CHODL: variants seen among roughly 807,000 people sequenced by gnomAD.
The protein encoded by CHODL is chondrolectin, also known as transmembrane protein MT75.
A neutral mutation model predicts 34.5 loss-of-function variants in CHODL; 29 were observed. The ratio of observed to expected loss-of-function variants is 0.84; its 90% confidence interval spans 0.63 to 1.15. The LOEUF is 1.15. CHODL is among the 50% of genes most tolerant of loss of function. The pLI is 0.00. For synonymous variants in CHODL, 125 were observed against 116.1 expected (o/e 1.08, Z -0.49); for missense variants, 332 against 332.5 (o/e 1.00, Z 0.01).
intron 2 of CHODL, among the ~76,000 whole-genome samples, chr21:18,070,024 C>CTTCCCTTCCCT (rs764793221): frequency 5.7e-5 from 4 of 69,740 alleles, no homozygotes; most frequent in Non-Finnish European, 1.4e-4. Context: ...CTTCCCTTCC[C>CTTCCCTTCCCT]TCCCCCCCCC....
At chr21:18,248,679 TGTATATATTATATAC>T in intron 1 of CHODL, among the ~76,000 whole-genome samples, 1 of 123,898 alleles carries the variant, frequency 8.1e-6, no homozygotes, top group African/African-American at 3.3e-5. Flanking sequence ...AATACATATA[TGTATATATTATATAC>T]ATATATATGT....
intron 2 of CHODL, among the ~76,000 whole-genome samples, chr21:18,077,930 A>T (rs976302720): frequency 2.6e-4 from 39 of 152,290 alleles, no homozygotes; most frequent in African/African-American, 8.7e-4. Flanking sequence ...ACTCTGCCAT[A>T]TGTTATGTAC....
intron 2 of CHODL, among the ~76,000 whole-genome samples, chr21:18,102,132 T>C (rs2065222749): frequency 6.6e-6 from 1 of 152,152 alleles, no homozygotes; most frequent in Non-Finnish European, 1.5e-5. Context: ...GCTGCCCACA[T>C]CATCCTATTC....
At chr21:18,104,412 C>T (rs1046798884) in intron 2 of CHODL, among the ~76,000 whole-genome samples, 22 of 152,136 alleles carry the variant, frequency 1.4e-4, no homozygotes, top group Non-Finnish European at 1.8e-4. Context: ...CTTCGCCTTC[C>T]GCCATGATTC....
intron 2 of CHODL, among the ~76,000 whole-genome samples, chr21:18,034,167 A>T (rs2064281643): frequency 6.6e-6 from 1 of 151,996 alleles, no homozygotes; most frequent in Admixed American, 6.6e-5. Flanking sequence ...ATCATCTTAT[A>T]AGATGATTTC....
intron 2 of CHODL, among the ~76,000 whole-genome samples, chr21:18,091,003 G>C (rs1229007330): frequency 1.3e-5 from 2 of 152,224 alleles, no homozygotes; most frequent in Non-Finnish European, 2.9e-5. Flanking sequence ...TCCTGGCAGT[G>C]ACCGTCTGGC....
intron 1 of CHODL, among the ~76,000 whole-genome samples, chr21:17,978,791 G>A (rs197580): frequency 0.64 from 96,602 of 151,500 alleles, 31,331 homozygotes; most frequent in African/African-American, 0.76. Flanking sequence ...TCTTAATGGG[G>A]GGCTCTGGGA....
At chr21:18,098,418 CA>C (rs1197731388) in intron 2 of CHODL, among the ~76,000 whole-genome samples, 1 of 151,424 alleles carries the variant, frequency 6.6e-6, no homozygotes, top group Non-Finnish European at 1.5e-5. Flanking sequence ...AGAAATTTTT[CA>C]AAAAAAGACA....
At chr21:18,010,335 A>C (rs1370428184) in intron 1 of CHODL, among the ~76,000 whole-genome samples, 1 of 150,482 alleles carries the variant, frequency 6.6e-6, no homozygotes, top group Non-Finnish European at 1.5e-5. Context: ...AGAAAAAGGA[A>C]AAAAAAAGAA....
upstream of CHODL, among the ~76,000 whole-genome samples, chr21:18,244,036 G>A (rs2074106894): frequency 6.6e-6 from 1 of 152,164 alleles, no homozygotes; most frequent in Non-Finnish European, 1.5e-5. Flanking sequence ...CAGTATTCCT[G>A]GAAACTAGGT....
intron 2 of CHODL, among the ~76,000 whole-genome samples, chr21:18,176,074 T>C (rs1166209145): frequency 6.6e-6 from 1 of 152,176 alleles, no homozygotes; most frequent in Non-Finnish European, 1.5e-5. Context: ...GGAGAAATAA[T>C]TGGAAAATAA....
At chr21:18,174,880 T>TA (rs1201611490) in intron 2 of CHODL, among the ~76,000 whole-genome samples, 3 of 152,220 alleles carry the variant, frequency 2.0e-5, no homozygotes, top group African/African-American at 7.2e-5. Context: ...AGCAAATTCT[T>TA]AGAGTAAATC....
intron 2 of CHODL, among the ~76,000 whole-genome samples, chr21:18,107,777 TGTG>T (rs1442961701): frequency 7.2e-5 from 11 of 152,140 alleles, no homozygotes; most frequent in Non-Finnish European, 8.8e-5. Flanking sequence ...CATGTAATAA[TGTG>T]GTGGTGAAGT....
intron 2 of CHODL, chr21:18,028,062 G>A (rs528553006): frequency 2.0e-5 from 3 of 152,316 alleles, no homozygotes; most frequent in East Asian, 3.9e-4. Context: ...CCTTTAAACA[G>A]TATCAATACA....
rs370659363 is a variant in CHODL, at chr21:18,081,672, A to C, written c.-45+53701A>C. 3.4e-5 allele frequency among the ~76,000 whole-genome samples: 5 copies of C among 148,612 alleles called. No individual in the cohort carries two copies. In the South Asian group the frequency reaches 1.1e-3, roughly 32 times the overall value. The stretch of plus-strand genomic sequence containing the variant: ...CTCCAGCCTGGGCAAGAAGAGAGAA[A>C]CTCCATCTCAAAAAGAAAAAAAAAA... On this transcript the variant is annotated intron_variant, in intron 2 of 6. Coordinates refer to the CHODL transcript ENST00000400127.
chr21:18,173,025 C>T (rs115944584), intron 2 of CHODL, among the ~76,000 whole-genome samples: 3,001 of 152,262 alleles, frequency 0.02, 94 homozygotes, highest in African/African-American at 0.068. Flanking sequence ...GGCCACTCCA[C>T]GCTATAGGCA....
intron 2 of CHODL, among the ~76,000 whole-genome samples, chr21:18,081,154 A>G (rs1325015433): frequency 6.6e-6 from 1 of 152,152 alleles, no homozygotes; most frequent in Admixed American, 6.5e-5. Context: ...ATTAGTGTAT[A>G]GAAATGCCAC....
At chr21:18,067,346 T>C (rs1361555577) in intron 2 of CHODL, among the ~76,000 whole-genome samples, 2 of 152,184 alleles carry the variant, frequency 1.3e-5, no homozygotes, top group African/African-American at 4.8e-5. Flanking sequence ...TTAGTGTGAG[T>C]GTTCATCCAA....
chr21:18,052,113 A>G (rs157734), intron 2 of CHODL, among the ~76,000 whole-genome samples: 94,206 of 151,696 alleles, frequency 0.62, 30,211 homozygotes, highest in African/African-American at 0.69. Context: ...AAGAATAAAG[A>G]AAGATTTACC....
Sources: gnomAD v4.1 joint callset for allele counts (sites outside exome capture counted in the v4.1 genomes callset) on GRCh38, gnomAD v4.1.1 for gene constraint, MANE v1.5 for transcripts, NCBI Gene and HGNC (gene_info 2026-07-23, HGNC 2026-07-21) for gene names.